The following GLIS3 variants were observed in gnomAD, a reference collection of about 807,000 sequenced individuals.
GLIS3 encodes GLIS family zinc finger 3.
In GLIS3, 53 loss-of-function variants were observed where a neutral mutation model predicts 78.6. The ratio of observed to expected loss-of-function variants is 0.67; its 90% CI spans 0.54 to 0.85. The LOEUF (loss-of-function observed/expected upper bound fraction) is 0.85, where lower values mean the gene tolerates loss of function less well. Ranked by LOEUF, GLIS3 falls within the 40% of genes least tolerant of loss-of-function variation. The pLI is 0.00. For synonymous variants in GLIS3, 684 were observed against 509.9 expected, an observed-to-expected ratio of 1.34 and a Z score of -4.60; for missense variants, 1,703 against 1,231.1, an observed-to-expected ratio of 1.38 and a Z score of -5.74.
chr9:4,266,304 G>A (rs1188243558), intron 2 of GLIS3, among the ~76,000 whole-genome samples: 1 of 152,028 alleles, frequency 6.6e-6, no homozygotes, highest in Non-Finnish European at 1.5e-5. Context: ...TTTGCTTCAA[G>A]CTTCCAGTAT....
the GLIS3 span, among the ~76,000 whole-genome samples, chr9:4,461,177 G>C: frequency 1.3e-5 from 2 of 152,124 alleles, no homozygotes; most frequent in South Asian, 4.1e-4. Flanking sequence ...TTAAAGTTTT[G>C]AAACCTCAGG....
the GLIS3 span, among the ~76,000 whole-genome samples, chr9:4,417,402 A>T: frequency 1.1e-4 from 17 of 152,206 alleles, no homozygotes; most frequent in African/African-American, 4.1e-4. Flanking sequence ...TTTGAAGATA[A>T]ATCAATCATA....
intron 2 of GLIS3, among the ~76,000 whole-genome samples, chr9:4,161,231 C>T (rs1002290301): frequency 6.6e-6 from 1 of 152,024 alleles, no homozygotes; most frequent in Non-Finnish European, 1.5e-5. Context: ...CATGATCGTG[C>T]TACTGCACTC....
chr9:4,200,591 G>T (rs1819290679), intron 2 of GLIS3, among the ~76,000 whole-genome samples: 1 of 151,982 alleles, frequency 6.6e-6, no homozygotes, highest in East Asian at 1.9e-4. Flanking sequence ...CACACAATCT[G>T]CCAAAATTGA....
rs567128430 is a variant in GLIS3 at position 3,950,865 on chromosome 9, C to T, written c.1711-13676G>A. ...AAATGCTTTCTTCCTCTCTTCTCCT[C>T]CCTCCCTCGCTTTCTTTCTCTTTTT... On this transcript the variant is annotated intron_variant, in intron 4 of 10. Transcript: ENST00000381971. Among the ~76,000 whole-genome samples, 4 of 152,326 alleles carry T rather than the reference C, an allele frequency of 2.6e-5. No individual in the cohort carries two copies. In the South Asian group the frequency reaches 6.2e-4, roughly 24 times the overall value.
chr9:4,027,480 C>T (rs1823441549), intron 4 of GLIS3, among the ~76,000 whole-genome samples: 1 of 152,142 alleles, frequency 6.6e-6, no homozygotes, highest in Non-Finnish European at 1.5e-5. Context: ...GACATATTCA[C>T]TCCCCCCACC....
At chr9:4,419,863 G>A in the GLIS3 span, among the ~76,000 whole-genome samples, 1 of 152,012 alleles carries the variant, frequency 6.6e-6, no homozygotes, top group African/African-American at 2.4e-5. Context: ...CATTACCAAG[G>A]GAGAAATCTG....
chr9:3,861,836 C>T (rs1820233091), intron 8 of GLIS3, among the ~76,000 whole-genome samples: 1 of 152,088 alleles, frequency 6.6e-6, no homozygotes, highest in African/African-American at 2.4e-5. Context: ...GCATGCGGGG[C>T]TTAATACTTA....
chr9:4,480,166 A>C, the GLIS3 span, among the ~76,000 whole-genome samples: 3 of 149,758 alleles, frequency 2.0e-5, no homozygotes, highest in Non-Finnish European at 4.4e-5. Context: ...ACTACAGAAG[A>C]ATTCTGTGAG....
At chr9:4,419,136 C>T in the GLIS3 span, among the ~76,000 whole-genome samples, 3 of 152,120 alleles carry the variant, frequency 2.0e-5, no homozygotes, top group African/African-American at 7.2e-5. Flanking sequence ...TGCTTTCTGA[C>T]GTCAAATATG....
At chr9:4,260,437 G>A (rs1389675531) in intron 2 of GLIS3, among the ~76,000 whole-genome samples, 1 of 151,986 alleles carries the variant, frequency 6.6e-6, no homozygotes, top group Non-Finnish European at 1.5e-5. Context: ...CGTGGTGGCA[G>A]GTGCCTGTAA....
chr9:4,115,144 T>C (rs983741939), intron 4 of GLIS3, among the ~76,000 whole-genome samples: 1 of 152,238 alleles, frequency 6.6e-6, no homozygotes, highest in Non-Finnish European at 1.5e-5. Context: ...CTTGTAGTCA[T>C]GGCCACCAAA....
At chr9:3,848,223 G>T (rs7046102) in intron 9 of GLIS3, among the ~76,000 whole-genome samples, 3 of 152,088 alleles carry the variant, frequency 2.0e-5, no homozygotes, top group African/African-American at 7.2e-5. Context: ...CCTCTAGGCC[G>T]GGCATGGTGG....
chr9:3,940,343 T>C (rs1041028838), intron 4 of GLIS3, among the ~76,000 whole-genome samples: 2 of 152,144 alleles, frequency 1.3e-5, no homozygotes, highest in African/African-American at 4.8e-5. Context: ...ACATCTAAGC[T>C]TAGGGAAGCA....
the GLIS3 span, among the ~76,000 whole-genome samples, chr9:4,467,239 T>C: frequency 6.6e-6 from 1 of 152,142 alleles, no homozygotes; most frequent in African/African-American, 2.4e-5. Flanking sequence ...AGCAAAAACT[T>C]CTACAGACTT....
At chr9:3,876,223 A>T (rs1821296833) in intron 8 of GLIS3, among the ~76,000 whole-genome samples, 1 of 152,238 alleles carries the variant, frequency 6.6e-6, no homozygotes, top group Admixed American at 6.5e-5. Flanking sequence ...TGTAAAATAA[A>T]TGTCCCGAGT....
intron 2 of GLIS3, among the ~76,000 whole-genome samples, chr9:4,177,494 G>A (rs1025304086): frequency 6.6e-6 from 1 of 152,138 alleles, no homozygotes; most frequent in African/African-American, 2.4e-5. Flanking sequence ...GAAGGTGCTG[G>A]AGCTGAAGCA....
chr9:4,298,242 C>G (rs1816766185), intron 1 of GLIS3: 1 of 306,864 alleles, frequency 3.3e-6, no homozygotes, highest in African/African-American at 2.3e-5. Context: ...AGTCCCCCCA[C>G]GCCGGCCCCC....
Position 3,939,589 on chromosome 9 carries a change from A to C in GLIS3, c.1711-2400T>G, listed in dbSNP as rs79488856. Among the ~76,000 whole-genome samples the C allele has an allele frequency of 8.2e-3, 1,242 of 152,290 alleles. 19 individuals carry two copies. The highest frequency in any genetic ancestry group is 0.028 in the African/African-American group (1,173 of 41,568). ...AGCAAGGATAGAGGAAAATATAGGC[A>C]CCTAGACTGAAAATGACAACAAAAA... On this transcript the variant is annotated intron_variant, in intron 4 of 10. Coordinates refer to ENST00000381971, the MANE Select transcript of GLIS3 (RefSeq NM_001042413.2).
Sources: gnomAD v4.1 joint callset for allele counts (sites outside exome capture counted in the v4.1 genomes callset) on GRCh38, gnomAD v4.1.1 for gene constraint, MANE v1.5 for transcripts, NCBI Gene and HGNC (gene_info 2026-07-23, HGNC 2026-07-21) for gene names.